The following AGBL4 variants were observed in gnomAD, a reference collection of about 807,000 sequenced individuals.
AGBL4 encodes the protein cytosolic carboxypeptidase 6.
In AGBL4, 58 loss-of-function variants were observed where a neutral mutation model predicts 66.4. The observed-to-expected ratio is 0.87, with a 90% CI of 0.71 to 1.09. AGBL4 has a LOEUF of 1.09. Among genes scored for constraint, AGBL4 ranks in the 50% least tolerant of loss-of-function variants. AGBL4 has a pLI of 0.00. For missense variants in AGBL4, 579 were observed against 631.0 expected (o/e 0.92, Z 0.88); for synonymous variants, 234 against 222.9 (o/e 1.05, Z -0.44).
intron 4 of AGBL4, among the ~76,000 whole-genome samples, chr1:49,219,881 C>A (rs772243551): frequency 1.8e-4 from 27 of 152,090 alleles, no homozygotes; most frequent in Non-Finnish European, 4.4e-5. Flanking sequence ...TCTCTGAAAT[C>A]CTTTGCAACC....
At chr1:49,162,075 C>A (rs1189931104) in intron 4 of AGBL4, among the ~76,000 whole-genome samples, 1 of 152,104 alleles carries the variant, frequency 6.6e-6, no homozygotes, top group East Asian at 1.9e-4. Context: ...ATAGGGGTAC[C>A]TTTCTCAGAG....
chr1:49,665,401 A>C (rs1646345755), intron 3 of AGBL4, among the ~76,000 whole-genome samples: 2 of 152,114 alleles, frequency 1.3e-5, no homozygotes, highest in Admixed American at 1.3e-4. Flanking sequence ...AGGCTAGGCA[A>C]GTTATTTCTC....
intron 4 of AGBL4, among the ~76,000 whole-genome samples, chr1:49,187,049 A>G (rs1647027590): frequency 6.6e-6 from 1 of 152,212 alleles, no homozygotes; most frequent in Admixed American, 6.5e-5. Flanking sequence ...CAGTGAGAAC[A>G]ATTTGGCTTT....
At chr1:48,962,593 T>A (rs988492977) in intron 5 of AGBL4, among the ~76,000 whole-genome samples, 1 of 152,070 alleles carries the variant, frequency 6.6e-6, no homozygotes, top group Non-Finnish European at 1.5e-5. Flanking sequence ...GGACCTGGGG[T>A]CCTGCCATGC....
At chr1:49,006,216 A>G (rs1171613850) in intron 5 of AGBL4, among the ~76,000 whole-genome samples, 2 of 152,184 alleles carry the variant, frequency 1.3e-5, no homozygotes, top group African/African-American at 4.8e-5. Flanking sequence ...TCACTCGGGA[A>G]GCGCAAGGGG....
chr1:49,687,937 T>G (rs1490747553), intron 3 of AGBL4, among the ~76,000 whole-genome samples: 2 of 152,176 alleles, frequency 1.3e-5, no homozygotes, highest in East Asian at 3.8e-4. Flanking sequence ...TTTTTAATTT[T>G]TATGGGCACA....
Position 49,304,339 on chromosome 1 carries a change from T to C in AGBL4, c.283-58475A>G, listed in dbSNP as rs189975205. Among the ~76,000 whole-genome samples the C allele has an allele frequency of 2.5e-4, 38 of 152,300 alleles. No individual in the cohort carries two copies. In the East Asian group the frequency reaches 6.8e-3, roughly 27 times the overall value. On this transcript the variant is annotated intron_variant, in intron 3 of 13. Transcript: ENST00000371839. The stretch of plus-strand genomic sequence containing the variant: ...TTCCATTGGTCTATGACACATGCAC[T>C]TTTTTAACTTTAAAAATATCACTTT...
At chr1:49,068,377 C>T (rs1644532040) in intron 4 of AGBL4, among the ~76,000 whole-genome samples, 1 of 151,620 alleles carries the variant, frequency 6.6e-6, no homozygotes, top group Admixed American at 6.6e-5. Context: ...CTATCCCTCC[C>T]CCATACCCCC....
intron 2 of AGBL4, among the ~76,000 whole-genome samples, chr1:49,761,060 A>G (rs946419938): frequency 7.2e-5 from 11 of 151,760 alleles, no homozygotes; most frequent in South Asian, 2.1e-4. Context: ...GGATGGGTCA[A>G]TAGGTGCAGC....
intron 3 of AGBL4, among the ~76,000 whole-genome samples, chr1:49,351,070 A>T (rs1280259874): frequency 6.6e-6 from 1 of 152,138 alleles, no homozygotes; most frequent in East Asian, 1.9e-4. Flanking sequence ...GAATTCTTTC[A>T]GTTTTCCTAG....
At position 48,826,416 on chromosome 1, in the gene AGBL4, A is replaced by T. The variant is rs186205923; in HGVS notation, c.634+40775T>A. On this transcript the variant is annotated intron_variant, in intron 6 of 13. Coordinates refer to ENST00000371839, the MANE Select transcript of AGBL4 (RefSeq NM_032785.4). ...ATTCTGGGCCAGAGAACTGGCACAC[A>T]TTAGCAAAACATGTATGTGAGCTAC... 1.2e-3 allele frequency among the ~76,000 whole-genome samples: 179 copies of T among 152,350 alleles called. 1 individual carries two copies. The highest frequency in any genetic ancestry group is 4.2e-3 in the African/African-American group (173 of 41,584).
intron 3 of AGBL4, among the ~76,000 whole-genome samples, chr1:49,316,653 A>G (rs375899): frequency 0.053 from 7,995 of 151,992 alleles, 234 homozygotes; most frequent in African/African-American, 0.069. Flanking sequence ...TACCAATCAG[A>G]GAGATTGGCA....
At chr1:49,445,884 C>A (rs895464586) in intron 3 of AGBL4, among the ~76,000 whole-genome samples, 2 of 152,124 alleles carry the variant, frequency 1.3e-5, no homozygotes, top group Admixed American at 1.3e-4. Context: ...TAGAGTCTCA[C>A]TCTGTCACCC....
chr1:48,703,288 G>A (rs897066041), intron 6 of AGBL4, among the ~76,000 whole-genome samples: 10 of 152,100 alleles, frequency 6.6e-5, no homozygotes, highest in East Asian at 5.8e-4. Flanking sequence ...ACGGCAAGTC[G>A]GGACAAAATA....
At chr1:49,203,406 T>C (rs1252753970) in intron 4 of AGBL4, among the ~76,000 whole-genome samples, 1 of 152,106 alleles carries the variant, frequency 6.6e-6, no homozygotes, top group East Asian at 1.9e-4. Flanking sequence ...AAAGAAAATA[T>C]AGTATATATG....
intron 6 of AGBL4, among the ~76,000 whole-genome samples, chr1:48,671,268 CA>C (rs1646272455): frequency 6.6e-6 from 1 of 152,238 alleles, no homozygotes; most frequent in African/African-American, 2.4e-5. Flanking sequence ...AGGCTGAGGA[CA>C]AAGGACTTTC....
At chr1:49,874,170 A>C (rs1291207835) in intron 1 of AGBL4, among the ~76,000 whole-genome samples, 1 of 152,154 alleles carries the variant, frequency 6.6e-6, no homozygotes, top group Non-Finnish European at 1.5e-5. Context: ...TTAAGAAAAA[A>C]AAATGAACCT....
chr1:49,179,042 G>A (rs938506288), intron 4 of AGBL4, among the ~76,000 whole-genome samples: 53 of 152,222 alleles, frequency 3.5e-4, no homozygotes, highest in African/African-American at 1.2e-3. Context: ...AGTACAACTC[G>A]CTTATGCTTT....
intron 11 of AGBL4, 27 bp downstream of exon 11, chr1:48,586,977 C>G: frequency 6.2e-7 from 1 of 1,608,822 alleles, no homozygotes; most frequent in Non-Finnish European, 8.5e-7. Context: ...GAGGGCTGGC[C>G]CAAGGCTGGG....
Sources: gnomAD v4.1 joint callset for allele counts (sites outside exome capture counted in the v4.1 genomes callset) on GRCh38, gnomAD v4.1.1 for gene constraint, MANE v1.5 for transcripts, NCBI Gene and HGNC (gene_info 2026-07-23, HGNC 2026-07-21) for gene names.